Variants in TTN observed in about 807,000 individuals in gnomAD.
The protein encoded by TTN is titin.
In TTN, 1,525 loss-of-function variants were observed where a neutral mutation model predicts 3,223.0. The ratio of observed to expected loss-of-function variants is 0.47; its 90% CI spans 0.45 to 0.49. The LOEUF (loss-of-function observed/expected upper bound fraction) is 0.49, where lower values mean the gene tolerates loss of function less well. TTN is among the 20% of genes least tolerant of loss of function. The pLI is 0.00. For missense variants in TTN, 40,786 were observed against 43,424.0 expected, an observed-to-expected ratio of 0.94 and a Z score of 5.40; for synonymous variants, 14,094 against 15,161.0, an observed-to-expected ratio of 0.93 and a Z score of 5.17.
chr2:178,651,120 AAT>A, intron 208 of TTN, 121 bp downstream of exon 208: 1 of 802,298 alleles, frequency 1.2e-6, no homozygotes, highest in East Asian at 2.5e-5. Flanking sequence ...AGACCCTAAA[AAT>A]CCAGAATGAC....
At chr2:178,804,942 C>G (rs2094244052) in intron 1 of TTN, among the ~76,000 whole-genome samples, 1 of 152,158 alleles carries the variant, frequency 6.6e-6, no homozygotes, top group Admixed American at 6.5e-5. Context: ...AGGGAATATA[C>G]AGTCTTACCA....
At position 178,728,299 on chromosome 2, in the gene TTN, G is replaced by A. The variant is rs764314153; in HGVS notation, c.19525C>T (p.Pro6509Ser). 5 of 1,613,028 alleles carry A rather than the reference G, an allele frequency of 3.1e-6. No individual in the cohort carries two copies. Among genetic ancestry groups the A allele is most frequent in the South Asian group, 1.1e-5 (1 of 91,044 alleles). ...TCCTTAAACCACTGAGCACTAATGG[G>A]AAGTGAACCAGACACCTTGCACTCC... ...HMECKVSGSL[P>S]ISAQWFKDGK... The change falls in exon 67 of 363, where the codon CCC becomes TCC. Residue 6509 changes from proline (P) to serine (S), a missense_variant. Pro to Ser is a moderately conservative substitution (Grantham distance 74). Transcript: ENST00000589042.
At chr2:178,643,158 A>C (rs1056827340) in intron 218 of TTN, among the ~76,000 whole-genome samples, 4 of 151,900 alleles carry the variant, frequency 2.6e-5, no homozygotes, top group African/African-American at 9.7e-5. Flanking sequence ...CTAATTTAAA[A>C]CAGTATTTAT....
chr2:178,778,964 G>A lies in TTN; in HGVS notation c.4118C>T (p.Ala1373Val), dbSNP rs139294675. ...TAFASNIKGN[A>V]ICSGKLYVEP... ...CACATACAATTTCCCTGAGCAAATT[G>A]CATTTCCTTTAATATTGCTGGCAAA... Residue 1373 changes from alanine to valine, a missense_variant, in exon 24 of 363, where the codon GCA becomes GTA. Physicochemically the swap from Ala to Val is moderately conservative, Grantham distance 64 (BLOSUM62 0). Coordinates refer to ENST00000589042, the MANE Select transcript of TTN (RefSeq NM_001267550.2). The A allele has an allele frequency of 1.6e-5, 26 of 1,613,888 alleles. No homozygotes were observed. The highest frequency in any genetic ancestry group is 2.1e-5 in the Non-Finnish European group (25 of 1,179,942).
In TTN at chr2:178,551,927, G is replaced by A; in HGVS notation, c.90973C>T (p.Pro30325Ser). ...IIVAKHQFRI[P>S]GPPGKPVIYN... is the part of the protein sequence containing the mutation. ...ATAACTGGCTTTCCTGGGGGACCAG[G>A]AATCCTGAACTGGTGTTTTGCCACA... is the stretch of plus-strand genomic sequence containing the variant. Residue 30325 changes from proline to serine, a missense_variant, in exon 335 of 363, where the codon CCT becomes TCT. Pro to Ser is a moderately conservative substitution (Grantham distance 74). Coordinates refer to ENST00000589042, the MANE Select transcript of TTN (RefSeq NM_001267550.2). 6.2e-7 allele frequency: 1 copy of A among 1,613,704 alleles called. No homozygotes were observed. Among genetic ancestry groups the A allele is most frequent in the South Asian group, 1.1e-5 (1 of 91,058 alleles).
At position 178,779,363 on chromosome 2, in the gene TTN, C is replaced by G; in HGVS notation, c.3829G>C (p.Glu1277Gln). 2 of 1,609,084 alleles carry G rather than the reference C, an allele frequency of 1.2e-6. No homozygotes were observed. Among genetic ancestry groups the G allele is most frequent in the African/African-American group, 2.7e-5 (2 of 74,962 alleles). Residue 1277 changes from glutamate to glutamine, a missense_variant, in exon 23 of 363, where the codon GAA (glutamate) becomes CAA (glutamine). Glu to Gln is a conservative substitution (Grantham distance 29). Coordinates refer to ENST00000589042, the MANE Select transcript of TTN (RefSeq NM_001267550.2). ...LEELLEEDGE[E>Q]KMAVDISESE... Reference sequence around the variant, plus strand: ...TCAGAAATGTCAACTGCCATCTTTTCTTCTCCATCTTCTTCAAGAAGTTCT... The same window carrying G: ...TCAGAAATGTCAACTGCCATCTTTTGTTCTCCATCTTCTTCAAGAAGTTCT...
chr2:178,580,453 T>G lies in TTN; in HGVS notation c.66926A>C (p.Asp22309Ala). Residue 22309 changes from aspartate (D) to alanine (A), a missense_variant, in exon 317 of 363, where the codon GAC becomes GCC. Physicochemically the swap from Asp to Ala is moderately radical, Grantham distance 126. Transcript: ENST00000589042. ...AGTGTCAAAGTCAGTTGACTTTATG[T>G]CCAGTCCAATCCTGTCTCTTAGATT... is the stretch of plus-strand genomic sequence containing the variant. ...NVNLRDRIGL[D>A]IKSTDFDTFL... The G allele has an allele frequency of 6.2e-7, 1 of 1,613,194 alleles. No individual in the cohort carries two copies. The highest frequency in any genetic ancestry group is 8.5e-7 in the Non-Finnish European group (1 of 1,179,458).
At position 178,729,181 on chromosome 2, in the gene TTN, TA is replaced by T; in HGVS notation, c.18869-13del. 1 of 1,559,130 alleles carries T rather than the reference TA, an allele frequency of 6.4e-7. No individual in the cohort carries two copies. The highest frequency in any genetic ancestry group is 8.7e-7 in the Non-Finnish European group (1 of 1,154,510). Reference sequence around the variant, plus strand: ...GAATGATGGTGGTTCTGTGATTAAATAAGAGAGTGTGAAAAGAAGAAACATA... The same window carrying T: ...GAATGATGGTGGTTCTGTGATTAAATAGAGAGTGTGAAAAGAAGAAACATA... On this transcript the variant is annotated splice_polypyrimidine_tract_variant and intron_variant, in intron 64 of 362. Transcript: ENST00000589042.
At position 178,530,713 on chromosome 2, in the gene TTN, G is replaced by A. The variant is rs1354185370; in HGVS notation, c.105902C>T (p.Ala35301Val). ...GCTTTCAACCACACAGGTCAGTTTTGCAATCTCTTTAGAAGCTTCTGCTTT... is the reference window on the plus strand; with the variant it reads ...GCTTTCAACCACACAGGTCAGTTTTACAATCTCTTTAGAAGCTTCTGCTTT... ...FLKAEASKEI[A>V]KLTCVVESSV... Residue 35301 changes from alanine (A) to valine (V), a missense_variant, in exon 358 of 363, where the codon GCA (alanine) becomes GTA (valine). Ala to Val is a moderately conservative substitution (Grantham distance 64, BLOSUM62 0). Coordinates refer to ENST00000589042, the MANE Select transcript of TTN (RefSeq NM_001267550.2). 2 of 1,613,906 alleles carry A rather than the reference G, an allele frequency of 1.2e-6. No individual in the cohort carries two copies. The highest frequency in any genetic ancestry group is 2.2e-5 in the South Asian group (2 of 91,068).
chr2:178,669,741 T>C (rs2066640566), intron 157 of TTN, 66 bp from the exon 158 acceptor site: 2 of 1,517,882 alleles, frequency 1.3e-6, no homozygotes, highest in South Asian at 1.1e-5. Context: ...ATAGCAAGCC[T>C]AGAAGGGGCA....
In TTN at chr2:178,758,120, G is replaced by A. The variant is rs1045213767; in HGVS notation, c.10304-204C>T. ...CAGAGAAGCAAGCTGAGACATGAAT[G>A]GGCTAAGGAACTTCACTACATTGTT... On this transcript the variant is annotated intron_variant, in intron 44 of 362. Coordinates refer to ENST00000589042, the MANE Select transcript of TTN (RefSeq NM_001267550.2). Among the ~76,000 whole-genome samples, 4 of 152,120 alleles carry A rather than the reference G, an allele frequency of 2.6e-5. 1 individual carries two copies. The highest frequency in any genetic ancestry group is 5.9e-5 in the Non-Finnish European group (4 of 68,022).
In TTN at chr2:178,569,221, A is replaced by G; in HGVS notation, c.76911T>C (p.Ile25637=). 2 of 1,605,104 alleles carry G rather than the reference A, an allele frequency of 1.2e-6. No individual in the cohort carries two copies. The highest frequency in any genetic ancestry group is 1.7e-4 in the Middle Eastern group (1 of 6,000). The change falls in exon 326 of 363, where the codon ATT becomes ATC. Residue 25637 remains isoleucine, a synonymous_variant. Transcript: ENST00000589042. ...LDGGSKIKNY[I]VEKREATRKS... ...TTCTTGTGGCTTCACGTTTCTCAAC[A>G]ATGTAATTTTTTATTTTGGATCCCC...
At chr2:178,542,173 A>G in intron 349 of TTN, 91 bp downstream of exon 349, 1 of 1,289,620 alleles carries the variant, frequency 7.8e-7, no homozygotes, top group South Asian at 1.6e-5. Context: ...ACCTATTTTT[A>G]TTTACATTAG....
In TTN at chr2:178,663,730, A is replaced by G. The variant is rs777921472; in HGVS notation, c.36449-20T>C. 9 of 1,612,632 alleles carry G rather than the reference A, an allele frequency of 5.6e-6. No individual in the cohort carries two copies. The highest frequency in any genetic ancestry group is 5.0e-5 in the Admixed American group (3 of 59,726). On this transcript the variant is annotated intron_variant, in intron 170 of 362. Transcript: ENST00000589042. ...CTGGTACTTAAAAGATATTAGCAAAATTACATTCAGAAGTTATGAAGACCA... is the reference window on the plus strand; with the variant it reads ...CTGGTACTTAAAAGATATTAGCAAAGTTACATTCAGAAGTTATGAAGACCA...
chr2:178,722,762 T>C lies in TTN; in HGVS notation c.22137A>G (p.Thr7379=). 1 of 1,613,312 alleles carries C rather than the reference T, an allele frequency of 6.2e-7. No individual in the cohort carries two copies. Among genetic ancestry groups the C allele is most frequent in the East Asian group, 2.2e-5 (1 of 44,828 alleles). Residue 7379 remains threonine, a synonymous_variant, in exon 76 of 363, where the codon ACA becomes ACG. Transcript: ENST00000589042. ...TGATGTTCACTTTATTAAAAACAAG[T>C]GTGGCCACATTGTTTGTAAAGTAGG... ...YRTYFTNNVA[T]LVFNKVNIND...
Position 178,616,761 on chromosome 2 carries a change from G to A in TTN, c.48128C>T (p.Thr16043Ile). The A allele has an allele frequency of 1.9e-6, 3 of 1,612,598 alleles. No homozygotes were observed. Among genetic ancestry groups the A allele is most frequent in the Admixed American group, 3.3e-5 (2 of 59,918 alleles). Reference sequence around the variant, plus strand: ...ATTGACATCAATTTCCCCAGAAATTGTTTTCACACGGTTTTCTAATTTCAG... The same window carrying A: ...ATTGACATCAATTTCCCCAGAAATTATTTTCACACGGTTTTCTAATTTCAG... ...YTLKLENRVK[T>I]ISGEIDVNVI... Residue 16043 changes from threonine (T) to isoleucine (I), a missense_variant, in exon 256 of 363, where the codon ACA (threonine) becomes ATA (isoleucine). Physicochemically the swap from Thr to Ile is moderately conservative, Grantham distance 89. Transcript: ENST00000589042.
Position 178,594,461 on chromosome 2 carries a change from T to C in TTN, c.58033A>G (p.Thr19345Ala), listed in dbSNP as rs567680958. 1.2e-5 allele frequency: 19 copies of C among 1,613,388 alleles called. No individual in the cohort carries two copies. In the South Asian group the frequency reaches 2.1e-4, roughly 18 times the overall value. ...TCACCTTCTTTTAAGCCTTTAACAGTGTATTTTCTGCTAAGCAAGTTGTCA... is the reference window on the plus strand; with the variant it reads ...TCACCTTCTTTTAAGCCTTTAACAGCGTATTTTCTGCTAAGCAAGTTGTCA... ...TNDNLLSRKY[T>A]VKGLKEGDTY... The change falls in exon 296 of 363, where the codon ACT becomes GCT. Residue 19345 changes from threonine (T) to alanine (A), a missense_variant. Thr to Ala is a moderately conservative substitution (Grantham distance 58, BLOSUM62 0). Coordinates refer to ENST00000589042, the MANE Select transcript of TTN (RefSeq NM_001267550.2).
At chr2:178,805,819 A>G (rs2094292369) in intron 1 of TTN, among the ~76,000 whole-genome samples, 1 of 152,206 alleles carries the variant, frequency 6.6e-6, no homozygotes, top group African/African-American at 2.4e-5. Context: ...GAAAAGGCCT[A>G]TGCTTTCATA....
rs2052422100 is a variant in TTN at position 178,598,622 on chromosome 2, C to G, written c.56995G>C (p.Asp18999His). 6.2e-7 allele frequency: 1 copy of G among 1,605,622 alleles called. No individual in the cohort carries two copies. The highest frequency in any genetic ancestry group is 8.5e-7 in the Non-Finnish European group (1 of 1,177,802). ...PPGPPFPKVT[D>H]WTKSSADLEW... is the part of the protein sequence containing the mutation. ...AGATCTGCAGATGATTTAGTCCAATCTGTCACTTTGGGAAATGGAGGACCA... is the reference window on the plus strand; with the variant it reads ...AGATCTGCAGATGATTTAGTCCAATGTGTCACTTTGGGAAATGGAGGACCA... Residue 18999 changes from aspartate (D) to histidine (H), a missense_variant, in exon 292 of 363, where the codon GAT (aspartate) becomes CAT (histidine). Coordinates refer to ENST00000589042, the MANE Select transcript of TTN (RefSeq NM_001267550.2).
Sources: gnomAD v4.1 joint callset for allele counts (sites outside exome capture counted in the v4.1 genomes callset) on GRCh38, gnomAD v4.1.1 for gene constraint, MANE v1.5 for transcripts, NCBI Gene and HGNC (gene_info 2026-07-23, HGNC 2026-07-21) for gene names.